The following LRRFIP1 variants were observed in gnomAD, a reference collection of about 807,000 sequenced individuals.
LRRFIP1 encodes LRR binding FLII interacting protein 1.
Under a neutral mutation model 104.4 loss-of-function variants are expected in LRRFIP1, and 62 were observed. The ratio of observed to expected loss-of-function variants is 0.59; its 90% CI spans 0.48 to 0.73. The LOEUF (loss-of-function observed/expected upper bound fraction) is 0.73. LRRFIP1 is among the 30% of genes least tolerant of loss of function. The pLI, the probability that LRRFIP1 is intolerant of heterozygous loss-of-function variation, is 0.00. For missense variants in LRRFIP1, 796 were observed against 824.5 expected (o/e 0.97, Z 0.42); for synonymous variants, 300 against 299.0 (o/e 1.00, Z -0.03).
intron 7 of LRRFIP1, 96 bp downstream of exon 7, chr2:237,723,682 C>A: frequency 6.6e-7 from 1 of 1,506,994 alleles, no homozygotes; most frequent in Non-Finnish European, 9.2e-7. Flanking sequence ...GGTGCTTTGT[C>A]TCCAGTTTTT....
intron 1 of LRRFIP1, among the ~76,000 whole-genome samples, chr2:237,652,274 C>T (rs563779392): frequency 6.6e-6 from 1 of 152,324 alleles, no homozygotes; most frequent in East Asian, 1.9e-4. Flanking sequence ...AATTCAAGAT[C>T]TGAGCTGGAG....
chr2:237,659,422 T>C (rs181523014), intron 1 of LRRFIP1, among the ~76,000 whole-genome samples: 57 of 151,886 alleles, frequency 3.8e-4, no homozygotes, highest in Non-Finnish European at 5.3e-4. Context: ...TAAAGAACAG[T>C]TTGGGGACAG....
rs191042293 is a variant in LRRFIP1, at chr2:237,732,931, G to A, written c.445-843G>A. Among the ~76,000 whole-genome samples the A allele has an allele frequency of 2.7e-3, 407 of 152,280 alleles. 1 individual carries two copies. Among genetic ancestry groups the A allele is most frequent in the African/African-American group, 9.4e-3 (392 of 41,558 alleles). ...TTCAGGTCCGGCCCTGAGGTGCTTG[G>A]CCTGTTAGCTATAGGTATCGAGTCT... On this transcript the variant is annotated intron_variant, in intron 8 of 23. Transcript: ENST00000308482.
At chr2:237,658,131 T>C (rs2087163738) in intron 1 of LRRFIP1, among the ~76,000 whole-genome samples, 1 of 152,166 alleles carries the variant, frequency 6.6e-6, no homozygotes, top group South Asian at 2.1e-4. Flanking sequence ...CAGAAATCAA[T>C]AGCCTCCATA....
At chr2:237,673,494 G>A (rs180850547) in intron 1 of LRRFIP1, among the ~76,000 whole-genome samples, 68 of 152,316 alleles carry the variant, frequency 4.5e-4, no homozygotes, top group African/African-American at 1.1e-3. Flanking sequence ...AGTGCCGCGC[G>A]TGGCGTGGGG....
chr2:237,679,472 G>A (rs767111195), intron 1 of LRRFIP1, among the ~76,000 whole-genome samples: 1 of 152,212 alleles, frequency 6.6e-6, no homozygotes, highest in African/African-American at 2.4e-5. Context: ...TATAACTACT[G>A]AAAGGGTGTA....
chr2:237,763,592 A>T, intron 19 of LRRFIP1: 1 of 1,613,456 alleles, frequency 6.2e-7, no homozygotes, highest in Non-Finnish European at 8.5e-7. Flanking sequence ...AAACGAGGTG[A>T]CTGAAAATCC....
chr2:237,683,123 G>A (rs2092009562), intron 1 of LRRFIP1, among the ~76,000 whole-genome samples: 1 of 152,240 alleles, frequency 6.6e-6, no homozygotes, highest in Non-Finnish European at 1.5e-5. Flanking sequence ...AACGTCAGGG[G>A]ACCCTGCTCT....
At chr2:237,719,260 C>T (rs56299475) in intron 4 of LRRFIP1, among the ~76,000 whole-genome samples, 3,315 of 152,300 alleles carry the variant, frequency 0.022, 55 homozygotes, top group Non-Finnish European at 0.033. Flanking sequence ...AATTAAGACC[C>T]AGCTTCTGCC....
chr2:237,779,467 G>A lies in LRRFIP1; in HGVS notation c.1858G>A (p.Gly620Ser), dbSNP rs866757547. 17 of 1,613,712 alleles carry A rather than the reference G, an allele frequency of 1.1e-5. No homozygotes were observed. Among genetic ancestry groups the A allele is most frequent in the African/African-American group, 2.7e-5 (2 of 74,934 alleles). ...AACAGAAGAGCTCGAGGTGAGCAAC[G>A]GCCACTTAGTGAAGCGTCTGGAAAA... ...DKTEELEVSN[G>S]HLVKRLEKMK... The change falls in exon 24 of 24, where the codon GGC becomes AGC. Residue 620 changes from glycine to serine, a missense_variant. Coordinates refer to ENST00000308482, the MANE Select transcript of LRRFIP1 (RefSeq NM_001137550.2).
In LRRFIP1 at chr2:237,753,456, C is replaced by A. The variant is rs768459462; in HGVS notation, c.1015C>A (p.Arg339=). The change falls in exon 15 of 24, where the codon CGG becomes AGG. Residue 339 remains arginine (R), a synonymous_variant. Coordinates refer to ENST00000308482, the MANE Select transcript of LRRFIP1 (RefSeq NM_001137550.2). Reference sequence around the variant, plus strand: ...TGAAGAACAGCTGGCTGAATCTAGGCGGCAGTACGAAGAGAAAAACAAAGT... The same window carrying A: ...TGAAGAACAGCTGGCTGAATCTAGGAGGCAGTACGAAGAGAAAAACAAAGT... ...ELEEQLAESR[R]QYEEKNKEFE... 7 of 1,590,662 alleles carry A rather than the reference C, an allele frequency of 4.4e-6. No individual in the cohort carries two copies. The highest frequency in any genetic ancestry group is 1.4e-5 in the African/African-American group (1 of 73,000).
intron 23 of LRRFIP1, among the ~76,000 whole-genome samples, 164 bp downstream of exon 23, chr2:237,774,626 G>A (rs1332414568): frequency 1.3e-5 from 2 of 152,240 alleles, no homozygotes; most frequent in African/African-American, 4.8e-5. Context: ...AGGAAGGCAT[G>A]GCGCAGCCAG....
chr2:237,723,852 G>A (rs998793804), intron 7 of LRRFIP1, among the ~76,000 whole-genome samples: 2 of 152,254 alleles, frequency 1.3e-5, no homozygotes, highest in Admixed American at 6.5e-5. Context: ...AGCACCAGCT[G>A]TTTGCCACGC....
chr2:237,715,621 C>T (rs1189111065), intron 3 of LRRFIP1, among the ~76,000 whole-genome samples: 1 of 152,164 alleles, frequency 6.6e-6, no homozygotes, highest in East Asian at 1.9e-4. Context: ...AAAGGTGTGC[C>T]CAGGGAAGGG....
intron 11 of LRRFIP1, among the ~76,000 whole-genome samples, chr2:237,745,122 G>A (rs1176913673): frequency 6.6e-6 from 1 of 152,244 alleles, no homozygotes; most frequent in Non-Finnish European, 1.5e-5. Context: ...AGGAAAGGGG[G>A]CTTGGTTAAG....
intron 1 of LRRFIP1, among the ~76,000 whole-genome samples, chr2:237,637,373 C>A (rs1019263588): frequency 3.9e-5 from 6 of 152,150 alleles, no homozygotes; most frequent in African/African-American, 1.4e-4. Context: ...GGGGCTGAGG[C>A]AGGAGAATTG....
At chr2:237,720,447 G>A (rs576360526) in intron 5 of LRRFIP1, among the ~76,000 whole-genome samples, 3 of 148,942 alleles carry the variant, frequency 2.0e-5, no homozygotes, top group South Asian at 2.1e-4. Flanking sequence ...AGAGTGTTTC[G>A]CCTTGTTGGC....
At chr2:237,741,538 G>A (rs60769172) in intron 11 of LRRFIP1, among the ~76,000 whole-genome samples, 7,409 of 152,282 alleles carry the variant, frequency 0.049, 202 homozygotes, top group Middle Eastern at 0.13. Context: ...AAAAGAAAAT[G>A]TAAGTATTGC....
At position 237,648,977 on chromosome 2, in the gene LRRFIP1, G is replaced by T. The variant is rs548278195; in HGVS notation, c.96+21237G>T. Among the ~76,000 whole-genome samples the T allele has an allele frequency of 3.9e-5, 6 of 152,106 alleles. No individual in the cohort carries two copies. The South Asian group carries it at 1.2e-3, about 32-fold the overall frequency. The stretch of plus-strand genomic sequence containing the variant: ...ATGTGTCAGTCCCATTGTTCTAGCT[G>T]CCTTGAAGGAGTTCCAGAAACAGGC... On this transcript the variant is annotated intron_variant, in intron 1 of 23. Transcript: ENST00000308482.
Sources: allele counts gnomAD v4.1 joint callset (sites outside exome capture counted in the v4.1 genomes callset), GRCh38; gene constraint gnomAD v4.1.1; transcripts MANE v1.5; gene names NCBI Gene and HGNC (gene_info 2026-07-23, HGNC 2026-07-21).